Variants in DLGAP2 observed in about 807,000 individuals in gnomAD.
DLGAP2 encodes DLG associated protein 2.
Under a neutral mutation model 100.3 loss-of-function variants are expected in DLGAP2, and 26 were observed. The ratio of observed to expected loss-of-function variants is 0.26; its 90% CI spans 0.19 to 0.36. The LOEUF is 0.36. Ranked by LOEUF, DLGAP2 falls within the 10% of genes least tolerant of loss-of-function variation. The pLI, the probability that DLGAP2 is intolerant of heterozygous loss-of-function variation, is 1.00. For missense variants in DLGAP2, 1,858 were observed against 1,453.2 expected (o/e 1.28, Z -4.53); for synonymous variants, 886 against 630.1 (o/e 1.41, Z -6.08).
intron 4 of DLGAP2, among the ~76,000 whole-genome samples, chr8:1,504,744 G>T (rs73672748): frequency 6.6e-6 from 1 of 152,116 alleles, no homozygotes; most frequent in African/African-American, 2.4e-5. Flanking sequence ...AGACTGAGTA[G>T]GTATTCCACA....
intron 12 of DLGAP2, among the ~76,000 whole-genome samples, chr8:1,687,120 T>C (rs1374297889): frequency 6.6e-6 from 1 of 152,174 alleles, no homozygotes; most frequent in Non-Finnish European, 1.5e-5. Flanking sequence ...CAAAATTAGT[T>C]ACAAGGGAAT....
rs568029902 is a variant in DLGAP2, at chr8:1,298,638, G to T, written c.106+39755G>T. On this transcript the variant is annotated intron_variant, in intron 3 of 14. Transcript: ENST00000637795. ...TGCAGAAGCATGGCAGGCGCTGAGC[G>T]TGTGGGACGGCTCAGCAGGCACCTC... 3.3e-5 allele frequency among the ~76,000 whole-genome samples: 5 copies of T among 152,130 alleles called. No homozygotes were observed. The South Asian group carries it at 6.2e-4, about 19-fold the overall frequency.
chr8:1,090,758 G>A (rs1563186050), intron 2 of DLGAP2, among the ~76,000 whole-genome samples: 1 of 152,180 alleles, frequency 6.6e-6, no homozygotes, highest in Admixed American at 6.5e-5. Flanking sequence ...TGCATAGGTT[G>A]TTGTTGTTGT....
chr8:1,292,680 C>G (rs1177934262), intron 3 of DLGAP2, among the ~76,000 whole-genome samples: 1 of 152,180 alleles, frequency 6.6e-6, no homozygotes, highest in East Asian at 1.9e-4. Flanking sequence ...GCTTTGTAGA[C>G]TGAGAAAGGT....
At chr8:997,672 A>G (rs2129017282) in intron 2 of DLGAP2, among the ~76,000 whole-genome samples, 1 of 152,388 alleles carries the variant, frequency 6.6e-6, no homozygotes, top group Non-Finnish European at 1.5e-5. Flanking sequence ...TGTTCATCCC[A>G]GTAAACATAA....
At chr8:763,495 C>T (rs1269803131) in intron 1 of DLGAP2, among the ~76,000 whole-genome samples, 1 of 152,144 alleles carries the variant, frequency 6.6e-6, no homozygotes, top group Non-Finnish European at 1.5e-5. Flanking sequence ...GGATTTTGTT[C>T]CATAATTCGC....
chr8:1,408,898 G>C (rs529512444), intron 3 of DLGAP2, among the ~76,000 whole-genome samples: 3 of 152,334 alleles, frequency 2.0e-5, no homozygotes, highest in South Asian at 4.2e-4. Context: ...CATGATGCCT[G>C]TCTGCCCACC....
At chr8:930,575 A>G (rs955848529) in intron 2 of DLGAP2, among the ~76,000 whole-genome samples, 1 of 152,186 alleles carries the variant, frequency 6.6e-6, no homozygotes, top group African/African-American at 2.4e-5. Context: ...AGTGGAGGAA[A>G]CCTGCAAAGA....
intron 8 of DLGAP2, among the ~76,000 whole-genome samples, chr8:1,649,620 G>A (rs560162497): frequency 3.9e-4 from 59 of 152,214 alleles, no homozygotes; most frequent in Non-Finnish European, 6.6e-4. Context: ...TGACATAGAA[G>A]GTGGCAACAA....
intron 3 of DLGAP2, among the ~76,000 whole-genome samples, chr8:1,341,346 T>C (rs939860585): frequency 2.0e-5 from 3 of 152,252 alleles, no homozygotes; most frequent in Non-Finnish European, 4.4e-5. Flanking sequence ...CGTGCAGTCC[T>C]TTTGGCATAC....
chr8:1,535,871 G>C (rs1423274707), intron 4 of DLGAP2, among the ~76,000 whole-genome samples: 2 of 152,184 alleles, frequency 1.3e-5, no homozygotes, highest in Non-Finnish European at 2.9e-5. Context: ...TGGATGACTA[G>C]GGCATGGACG....
At chr8:760,867 C>G (rs1000123938) in intron 1 of DLGAP2, among the ~76,000 whole-genome samples, 6 of 152,154 alleles carry the variant, frequency 3.9e-5, no homozygotes, top group Non-Finnish European at 8.8e-5. Context: ...CTCAGGGTGC[C>G]TGCACCGAGA....
chr8:1,251,017 G>A (rs552966171), intron 2 of DLGAP2, among the ~76,000 whole-genome samples: 1 of 152,276 alleles, frequency 6.6e-6, no homozygotes, highest in Admixed American at 6.5e-5. Context: ...TTTCTGCTAC[G>A]TGTATTTTTT....
At chr8:1,556,557 T>A (rs375973723) in intron 5 of DLGAP2, among the ~76,000 whole-genome samples, 2 of 152,190 alleles carry the variant, frequency 1.3e-5, no homozygotes, top group African/African-American at 4.8e-5. Context: ...GTGGTCCACA[T>A]GCAGTACTGC....
chr8:1,346,747 C>A (rs7820569), intron 3 of DLGAP2, among the ~76,000 whole-genome samples: 3 of 120,044 alleles, frequency 2.5e-5, no homozygotes, highest in African/African-American at 1.0e-4. Context: ...ATTGCACTCA[C>A]GGTAGCTGTG....
At chr8:802,922 A>G (rs546974170) in intron 1 of DLGAP2, among the ~76,000 whole-genome samples, 10 of 152,172 alleles carry the variant, frequency 6.6e-5, no homozygotes, top group South Asian at 2.1e-4. Context: ...GATTTTACAC[A>G]TAGTCTAAAT....
At chr8:1,552,100 C>T (rs746610516) in intron 5 of DLGAP2, among the ~76,000 whole-genome samples, 1 of 152,166 alleles carries the variant, frequency 6.6e-6, no homozygotes, top group Non-Finnish European at 1.5e-5. Flanking sequence ...TGTTGTTCTG[C>T]AGCCAGCCAC....
At chr8:1,153,029 C>T (rs1796722582) in intron 2 of DLGAP2, among the ~76,000 whole-genome samples, 1 of 152,200 alleles carries the variant, frequency 6.6e-6, no homozygotes, top group African/African-American at 2.4e-5. Flanking sequence ...CTCCTTTACT[C>T]ATGCTTAAGA....
At chr8:744,551 C>T (rs544160305) in intron 1 of DLGAP2, among the ~76,000 whole-genome samples, 114 of 147,508 alleles carry the variant, frequency 7.7e-4, no homozygotes, top group African/African-American at 1.0e-3. Context: ...GCCTCTTCTC[C>T]GGCCACGTCG....
Sources: allele counts gnomAD v4.1 joint callset (sites outside exome capture counted in the v4.1 genomes callset), GRCh38; gene constraint gnomAD v4.1.1; transcripts MANE v1.5; gene names NCBI Gene and HGNC (gene_info 2026-07-23, HGNC 2026-07-21).